HECW1: variants seen among roughly 807,000 people sequenced by gnomAD.
HECW1 encodes HECT, C2 and WW domain containing E3 ubiquitin protein ligase 1, also known as E3 ubiquitin-protein ligase HECW1.
A neutral mutation model predicts 182.3 loss-of-function variants in HECW1; 61 were observed. The ratio of observed to expected loss-of-function variants is 0.33; its 90% CI spans 0.27 to 0.41. The LOEUF is 0.41. Ranked by LOEUF, HECW1 falls within the 10% of genes least tolerant of loss-of-function variation. The pLI is 1.00. For missense variants in HECW1, 1,739 were observed against 2,108.9 expected, an observed-to-expected ratio of 0.82 and a Z score of 3.44; for synonymous variants, 859 against 832.6, an observed-to-expected ratio of 1.03 and a Z score of -0.55.
chr7:43,412,078 AT>A (rs1392246012), intron 8 of HECW1, among the ~76,000 whole-genome samples: 1 of 152,042 alleles, frequency 6.6e-6, no homozygotes, highest in Non-Finnish European at 1.5e-5. Context: ...TTTCATTTCA[AT>A]TTATCTACTG....
At chr7:43,275,195 T>C (rs10244628) in intron 3 of HECW1, among the ~76,000 whole-genome samples, 5,497 of 152,284 alleles carry the variant, frequency 0.036, 264 homozygotes, top group African/African-American at 0.11. Flanking sequence ...AAAAGTTTAC[T>C]TGAAATCCTA....
intron 3 of HECW1, among the ~76,000 whole-genome samples, chr7:43,311,274 C>A (rs1042215228): frequency 5.3e-5 from 8 of 152,132 alleles, no homozygotes; most frequent in Non-Finnish European, 8.8e-5. Flanking sequence ...ACTGCCTCAC[C>A]CAGCAGGGAC....
intron 6 of HECW1, among the ~76,000 whole-genome samples, chr7:43,382,688 T>C (rs2074605073): frequency 6.6e-6 from 1 of 152,146 alleles, no homozygotes; most frequent in Non-Finnish European, 1.5e-5. Flanking sequence ...GATGGAAGGA[T>C]AGATGTGGGG....
chr7:43,259,398 A>AAG (rs1562747401), intron 3 of HECW1, among the ~76,000 whole-genome samples: 1 of 151,940 alleles, frequency 6.6e-6, no homozygotes, highest in Non-Finnish European at 1.5e-5. Flanking sequence ...AAAAAAAAAA[A>AAG]CCGTTCAATA....
At chr7:43,333,302 G>A (rs1811724080) in intron 5 of HECW1, among the ~76,000 whole-genome samples, 4 of 152,188 alleles carry the variant, frequency 2.6e-5, no homozygotes, top group South Asian at 4.1e-4. Context: ...GATCCCAAGT[G>A]GGGAGCTCAG....
At chr7:43,349,995 G>A (rs542862551) in intron 5 of HECW1, among the ~76,000 whole-genome samples, 30 of 152,258 alleles carry the variant, frequency 2.0e-4, no homozygotes, top group South Asian at 4.1e-4. Flanking sequence ...CTGTTTTGAC[G>A]TGTTTTCAGG....
chr7:43,218,329 C>T (rs1056715601), intron 2 of HECW1, among the ~76,000 whole-genome samples: 3 of 152,172 alleles, frequency 2.0e-5, no homozygotes, highest in African/African-American at 7.2e-5. Context: ...ACCTTGAGAA[C>T]CTGCTCATCT....
intron 2 of HECW1, among the ~76,000 whole-genome samples, chr7:43,116,506 C>G (rs1239416257): frequency 6.6e-6 from 1 of 152,172 alleles, no homozygotes; most frequent in Non-Finnish European, 1.5e-5. Context: ...TCTGAAATGA[C>G]CTACAGTTAG....
At chr7:43,270,563 C>T (rs1341142948) in intron 3 of HECW1, among the ~76,000 whole-genome samples, 2 of 152,172 alleles carry the variant, frequency 1.3e-5, no homozygotes, top group East Asian at 3.8e-4. Flanking sequence ...GTCACACTGA[C>T]AAGCTCTGGT....
At chr7:43,508,692 T>G in intron 23 of HECW1, 1 of 444,136 alleles carries the variant, frequency 2.3e-6, no homozygotes, top group South Asian at 3.2e-5. Context: ...GTGTTTTAGC[T>G]CAGAGGTGTT....
chr7:43,397,998 T>A (rs2075287025), intron 7 of HECW1, among the ~76,000 whole-genome samples: 1 of 152,226 alleles, frequency 6.6e-6, no homozygotes, highest in African/African-American at 2.4e-5. Flanking sequence ...GGCTCACACC[T>A]GTAATCCCAG....
At chr7:43,509,354 A>C (rs951362191) in intron 24 of HECW1, 3 of 443,334 alleles carry the variant, frequency 6.8e-6, no homozygotes, top group Admixed American at 7.9e-5. Flanking sequence ...TGTGAGAAAG[A>C]ATAATTGCCT....
At chr7:43,512,068 C>T (rs538072945) in intron 24 of HECW1, 3 of 219,398 alleles carry the variant, frequency 1.4e-5, no homozygotes, top group Admixed American at 5.8e-5. Flanking sequence ...GATCTCGGGT[C>T]GGTGTCAGGT....
chr7:43,112,794 A>C lies in HECW1; in HGVS notation c.-410A>C. 4.4e-6 allele frequency: 1 copy of C among 229,172 alleles called. No individual in the cohort carries two copies. Among genetic ancestry groups the C allele is most frequent in the African/African-American group, 2.2e-5 (1 of 45,112 alleles). 14.2% of individuals were successfully genotyped at this position (229,172 alleles called of 1,614,324 possible). On this transcript the variant is annotated 5_prime_UTR_variant, in exon 1 of 30. Transcript: ENST00000395891. Reference sequence around the variant, plus strand: ...CTCTCTCGGGGCACCCGGCAGCCAGAGCGCAGCGAGAGCGGGCGGTCGCCA... The same window carrying C: ...CTCTCTCGGGGCACCCGGCAGCCAGCGCGCAGCGAGAGCGGGCGGTCGCCA...
rs556649083 is a variant in HECW1, at chr7:43,181,727, G to A, written c.-31-62148G>A. Among the ~76,000 whole-genome samples the A allele has an allele frequency of 2.3e-3, 343 of 150,910 alleles. 5 individuals are homozygous for A. The highest frequency in any genetic ancestry group is 3.6e-3 in the Non-Finnish European group (243 of 67,996). Reference sequence around the variant, plus strand: ...TTGTTTGAGTTCCTAATATATTCTGGATATTAACTCTTTGTCAGATGTATA... The same window carrying A: ...TTGTTTGAGTTCCTAATATATTCTGAATATTAACTCTTTGTCAGATGTATA... On this transcript the variant is annotated intron_variant, in intron 2 of 29. Coordinates refer to ENST00000395891, the MANE Select transcript of HECW1 (RefSeq NM_015052.5).
At chr7:43,350,775 T>C (rs1814328522) in intron 5 of HECW1, among the ~76,000 whole-genome samples, 1 of 152,254 alleles carries the variant, frequency 6.6e-6, no homozygotes, top group African/African-American at 2.4e-5. Flanking sequence ...ACTTCTTGTA[T>C]CATTTTTTGG....
Position 43,461,632 on chromosome 7 carries a change from G to A in HECW1, c.2652-2028G>A, listed in dbSNP as rs117285069. 2.0e-5 allele frequency among the ~76,000 whole-genome samples: 3 copies of A among 152,276 alleles called. No individual in the cohort carries two copies. The East Asian group carries it at 5.8e-4, about 29-fold the overall frequency. ...TTCCCTGAGTCCTCAGCAGAGAGAAGATCACAGAGTGCCATCCTTCACCAT... is the reference window on the plus strand; with the variant it reads ...TTCCCTGAGTCCTCAGCAGAGAGAAAATCACAGAGTGCCATCCTTCACCAT... On this transcript the variant is annotated intron_variant, in intron 13 of 29. Transcript: ENST00000395891.
intron 6 of HECW1, among the ~76,000 whole-genome samples, chr7:43,393,340 G>T (rs1167185658): frequency 3.3e-5 from 5 of 152,210 alleles, no homozygotes; most frequent in African/African-American, 1.2e-4. Flanking sequence ...TATTTGGGCT[G>T]AGTCTTCACA....
chr7:43,181,723 T>G (rs1792877100), intron 2 of HECW1, among the ~76,000 whole-genome samples: 1 of 150,994 alleles, frequency 6.6e-6, no homozygotes, highest in Non-Finnish European at 1.5e-5. Flanking sequence ...CCTAATATAT[T>G]CTGGATATTA....
Sources: gnomAD v4.1 joint callset for allele counts (sites outside exome capture counted in the v4.1 genomes callset) on GRCh38, gnomAD v4.1.1 for gene constraint, MANE v1.5 for transcripts, NCBI Gene and HGNC (gene_info 2026-07-23, HGNC 2026-07-21) for gene names.